The following PTPRF variants were observed in gnomAD, a reference collection of about 807,000 sequenced individuals.
PTPRF encodes protein tyrosine phosphatase receptor type F.
Under a neutral mutation model 201.8 loss-of-function variants are expected in PTPRF, and 59 were observed. The ratio of observed to expected loss-of-function variants is 0.29; its 90% CI spans 0.24 to 0.36. The LOEUF (loss-of-function observed/expected upper bound fraction) is 0.36. Ranked by LOEUF, PTPRF falls within the 10% of genes least tolerant of loss-of-function variation. The probability of loss-of-function intolerance (pLI) is 1.00; values close to 1 mark genes in which losing one functional copy is unlikely to be tolerated. For missense variants in PTPRF, 2,132 were observed against 2,690.5 expected, an observed-to-expected ratio of 0.79 and a Z score of 4.59; for synonymous variants, 1,088 against 1,089.7, an observed-to-expected ratio of 1.00 and a Z score of 0.03.
intron 5 of PTPRF, among the ~76,000 whole-genome samples, chr1:43,563,987 G>C (rs1569990285): frequency 1.3e-5 from 2 of 152,308 alleles, no homozygotes; most frequent in East Asian, 3.9e-4. Flanking sequence ...GGAAGGAGGG[G>C]ATGACTGGGA....
chr1:43,612,559 CTG>C (rs1041404369), intron 22 of PTPRF, among the ~76,000 whole-genome samples: 57 of 152,254 alleles, frequency 3.7e-4, no homozygotes, highest in African/African-American at 1.4e-3. Context: ...GACACCCAGT[CTG>C]TATTAACTGG....
intron 3 of PTPRF, among the ~76,000 whole-genome samples, chr1:43,547,008 A>G (rs1644721735): frequency 6.6e-6 from 1 of 152,116 alleles, no homozygotes; most frequent in Admixed American, 6.5e-5. Flanking sequence ...TTTCCTTCCT[A>G]ATCCATTCTG....
Position 43,554,926 on chromosome 1 carries a change from T to A in PTPRF, c.379+985T>A, listed in dbSNP as rs1645255139. ...TGGAGTGCAATGGTGTGATCTCAGC[T>A]CACTGCAACCTCTGCCTCCCGGGTT... is the stretch of plus-strand genomic sequence containing the variant. On this transcript the variant is annotated intron_variant, in intron 5 of 33. Transcript: ENST00000359947. The surrounding 1 kb of genome is among the most constrained non-coding windows in gnomAD (Gnocchi z 4.1). Among the ~76,000 whole-genome samples, 1 of 151,166 alleles carries A rather than the reference T, an allele frequency of 6.6e-6. No individual in the cohort carries two copies. Among genetic ancestry groups the A allele is most frequent in the Non-Finnish European group, 1.5e-5 (1 of 67,848 alleles).
chr1:43,613,529 A>T, intron 22 of PTPRF, 89 bp from the exon 23 acceptor site: 1 of 1,056,746 alleles, frequency 9.5e-7, no homozygotes, highest in Non-Finnish European at 1.5e-6. Context: ...ACACATGTTC[A>T]CATGTGCACA....
chr1:43,610,762 G>A (rs902064751), intron 22 of PTPRF, among the ~76,000 whole-genome samples: 1 of 152,230 alleles, frequency 6.6e-6, no homozygotes, highest in African/African-American at 2.4e-5. Context: ...CTACTCAGGA[G>A]GCTGAGGCAG....
Position 43,543,010 on chromosome 1 carries a change from T to C in PTPRF, c.-45-2021T>C, listed in dbSNP as rs192698921. On this transcript the variant is annotated intron_variant, in intron 2 of 33. Coordinates refer to ENST00000359947, the MANE Select transcript of PTPRF (RefSeq NM_002840.5). ...TGGAAGTTAACCTCTGTGACTATTA[T>C]ATTGTTATACCCGATGATGCCGGTA... Among the ~76,000 whole-genome samples the C allele has an allele frequency of 2.6e-3, 389 of 152,274 alleles. 2 individuals carry two copies. The highest frequency in any genetic ancestry group is 9.1e-3 in the African/African-American group (380 of 41,552).
At chr1:43,571,341 G>C (rs902750397) in intron 6 of PTPRF, among the ~76,000 whole-genome samples, 4 of 151,990 alleles carry the variant, frequency 2.6e-5, no homozygotes, top group Non-Finnish European at 5.9e-5. Flanking sequence ...ACACAGCCTT[G>C]CCCTGGACGA....
intron 8 of PTPRF, among the ~76,000 whole-genome samples, chr1:43,589,898 C>T (rs1650208690): frequency 6.6e-6 from 1 of 151,900 alleles, no homozygotes; most frequent in Admixed American, 6.6e-5. Context: ...CCTTCCTGGT[C>T]TCCCCGCTGC....
chr1:43,592,410 T>A, intron 10 of PTPRF, 47 bp from the exon 11 acceptor site: 1 of 1,562,124 alleles, frequency 6.4e-7, no homozygotes, highest in Non-Finnish European at 8.7e-7. Flanking sequence ...AACCTGTGAG[T>A]GACTTTGAGC....
intron 3 of PTPRF, among the ~76,000 whole-genome samples, chr1:43,549,416 G>A (rs937927766): frequency 4.6e-5 from 7 of 152,204 alleles, no homozygotes; most frequent in African/African-American, 1.7e-4. Flanking sequence ...TGGGACATGA[G>A]AGAGGGGCTG....
At chr1:43,605,048 C>T (rs1451722961) in intron 17 of PTPRF, 48 bp downstream of exon 17, 1 of 1,593,314 alleles carries the variant, frequency 6.3e-7, no homozygotes, top group Non-Finnish European at 8.6e-7. Flanking sequence ...CACAGGCCTG[C>T]TGGGTGCTGT....
intron 1 of PTPRF, among the ~76,000 whole-genome samples, chr1:43,532,157 G>A (rs1643623401): frequency 6.6e-6 from 1 of 151,928 alleles, no homozygotes; most frequent in Non-Finnish European, 1.5e-5. Flanking sequence ...CCATCTCTTG[G>A]TGTCTCTGCA....
At chr1:43,604,337 T>G in intron 16 of PTPRF, 148 bp downstream of exon 16, 4 of 802,792 alleles carry the variant, frequency 5.0e-6, no homozygotes, top group Non-Finnish European at 7.7e-6. Context: ...CACTAACCTC[T>G]AGTGAATGGG....
chr1:43,614,164 G>C (rs747591467), intron 23 of PTPRF, among the ~76,000 whole-genome samples: 10 of 152,222 alleles, frequency 6.6e-5, no homozygotes, highest in Non-Finnish European at 1.5e-4. Context: ...AATGGGGACT[G>C]TTATTATCCC....
intron 3 of PTPRF, among the ~76,000 whole-genome samples, chr1:43,552,257 A>G (rs1000385927): frequency 6.6e-6 from 1 of 150,924 alleles, no homozygotes; most frequent in East Asian, 1.9e-4. Context: ...CCCACCCACC[A>G]CTCCACTGAC....
At chr1:43,615,194 T>A (rs1046232846) in intron 23 of PTPRF, among the ~76,000 whole-genome samples, 1 of 152,112 alleles carries the variant, frequency 6.6e-6, no homozygotes, top group Non-Finnish European at 1.5e-5. Flanking sequence ...AATGGATGAG[T>A]ATGTCTGCGG....
intron 22 of PTPRF, among the ~76,000 whole-genome samples, chr1:43,611,393 G>A (rs1557852578): frequency 6.6e-6 from 1 of 152,220 alleles, no homozygotes; most frequent in Non-Finnish European, 1.5e-5. Context: ...ATGTGCAGAA[G>A]CTTGGGCAGA....
At chr1:43,527,822 G>A (rs1377004635), upstream of PTPRF, among the ~76,000 whole-genome samples, 2 of 152,354 alleles carry the variant, frequency 1.3e-5, no homozygotes, top group Non-Finnish European at 1.5e-5. Context: ...CTCTTCTAGT[G>A]CATGCCAGGG....
chr1:43,558,357 C>T (rs907850082), intron 5 of PTPRF, among the ~76,000 whole-genome samples: 4 of 152,128 alleles, frequency 2.6e-5, no homozygotes, highest in Non-Finnish European at 5.9e-5. Context: ...ACTGCTGTGG[C>T]TCCAGGGCCA....
Sources: allele counts gnomAD v4.1 joint callset (sites outside exome capture counted in the v4.1 genomes callset), GRCh38; gene constraint gnomAD v4.1.1; non-coding constraint Gnocchi (gnomAD v3.1); transcripts MANE v1.5; gene names NCBI Gene and HGNC (gene_info 2026-07-23, HGNC 2026-07-21).